Variants in METTL25B observed in about 807,000 individuals in gnomAD.
The protein encoded by METTL25B is methyltransferase-like protein 25B.
METTL25B carries 38 observed loss-of-function variants against 48.4 expected under a neutral mutation model. The observed-to-expected ratio is 0.78, with a 90% CI of 0.61 to 1.03. The LOEUF (loss-of-function observed/expected upper bound fraction) is 1.03. Ranked by LOEUF, METTL25B falls within the 50% of genes least tolerant of loss-of-function variation. The probability of loss-of-function intolerance (pLI) is 0.00; values close to 1 mark genes in which losing one functional copy is unlikely to be tolerated. For missense variants in METTL25B, 537 were observed against 603.7 expected, an observed-to-expected ratio of 0.89 and a Z score of 1.16; for synonymous variants, 230 against 254.5, an observed-to-expected ratio of 0.90 and a Z score of 0.92.
chr1:156,733,180 A>AT (rs1175191109), intron 4 of METTL25B, 133 bp downstream of exon 4: 28 of 1,090,820 alleles, frequency 2.6e-5, no homozygotes, highest in Non-Finnish European at 3.4e-5. Flanking sequence ...TCTTTGCATA[A>AT]TTTTTTTTAA....
rs936462642 is a variant in METTL25B at position 156,735,824 on chromosome 1, G to A, written c.1221G>A (p.Val407=). ...QAHVAQENRV[V]AFFSLALLLA... Reference sequence around the variant, plus strand: ...ACGTGGCCCAGGAGAACCGTGTGGTGGCCTTCTTCAGCCTGGCTCTACTGC... The same window carrying A: ...ACGTGGCCCAGGAGAACCGTGTGGTAGCCTTCTTCAGCCTGGCTCTACTGC... Residue 407 remains valine, a synonymous_variant, in exon 7 of 8, where the codon GTG becomes GTA. Coordinates refer to ENST00000368216, the MANE Select transcript of METTL25B (RefSeq NM_015997.4). 4 of 1,612,886 alleles carry A rather than the reference G, an allele frequency of 2.5e-6. No homozygotes were observed. In the African/African-American group the frequency reaches 4.0e-5, roughly 16 times the overall value.
intron 4 of METTL25B, 70 bp downstream of exon 4, chr1:156,733,117 C>T (rs533639928): frequency 1.6e-5 from 23 of 1,443,536 alleles, no homozygotes; most frequent in South Asian, 3.6e-5. Flanking sequence ...GGCAGGTTAT[C>T]GGGCCACAGG....
Position 156,735,903 on chromosome 1 carries a change from G to T in METTL25B, c.1300G>T (p.Glu434Ter). 1 of 1,610,838 alleles carries T rather than the reference G, an allele frequency of 6.2e-7. No individual in the cohort carries two copies. Among genetic ancestry groups the T allele is most frequent in the South Asian group, 1.1e-5 (1 of 90,702 alleles). ...ILLDRLLYLQ[E>*]QGFHAELLPI... ...ACTGGACCGGCTGCTGTACCTTCAG[G>T]AACAGGGTGAGGGTGGCCTACAGCA... Residue 434 changes from glutamate to a stop codon, truncating the protein, a stop_gained, in exon 7 of 8, where the codon GAA becomes TAA. Transcript: ENST00000368216. LOFTEE classifies it high-confidence loss of function.
rs111957008 is a variant in METTL25B at position 156,736,096 on chromosome 1, G to A, written c.1306+187G>A. 73 of 495,446 alleles carry A rather than the reference G, an allele frequency of 1.5e-4. No individual in the cohort carries two copies. In the East Asian group the frequency reaches 1.7e-3, roughly 11 times the overall value. 30.7% of individuals were successfully genotyped at this position (495,446 alleles called of 1,614,324 possible). A position where few individuals can be genotyped will look rare whatever the true frequency, so the allele number is the denominator to read the frequency against. ...AAAATTAAGAATCCAGGCTGGGTGC[G>A]GTGGCTCATGCCTATAATCCCAGCA... On this transcript the variant is annotated intron_variant, in intron 7 of 7. Coordinates refer to ENST00000368216, the MANE Select transcript of METTL25B (RefSeq NM_015997.4).
At chr1:156,730,856 GTGT>G (rs1271511282) in intron 1 of METTL25B, among the ~76,000 whole-genome samples, 2 of 152,218 alleles carry the variant, frequency 1.3e-5, no homozygotes, top group African/African-American at 2.4e-5. Context: ...CTACCTCAAA[GTGT>G]TGTTTAAAGG....
intron 1 of METTL25B, among the ~76,000 whole-genome samples, chr1:156,731,352 G>A (rs1649270499): frequency 6.6e-6 from 1 of 152,180 alleles, no homozygotes; most frequent in Non-Finnish European, 1.5e-5. Flanking sequence ...TCGAACTCCT[G>A]ATCTCAGGTG....
Position 156,734,355 on chromosome 1 carries a change from G to T in METTL25B, c.983G>T (p.Arg328Leu), listed in dbSNP as rs374602134. 9.3e-6 allele frequency: 15 copies of T among 1,613,890 alleles called. No individual in the cohort carries two copies. The East Asian group carries it at 1.1e-4, about 12-fold the overall frequency. ...ACHALEEYAE[R>L]LQKAGPGLRT... ...CATGCCCTGGAGGAATATGCTGAGC[G>T]GCTACAGAAAGCTGGCCCTGGCCTT... is the stretch of plus-strand genomic sequence containing the variant. The change falls in exon 6 of 8, where the codon CGG becomes CTG. Residue 328 changes from arginine to leucine, a missense_variant. Coordinates refer to ENST00000368216, the MANE Select transcript of METTL25B (RefSeq NM_015997.4).
chr1:156,729,633 T>C (rs1571503038), intron 1 of METTL25B: 1 of 164,378 alleles, frequency 6.1e-6, no homozygotes, highest in South Asian at 1.4e-4. Context: ...TGTCAGGTGT[T>C]CCAAGAACAC....
chr1:156,728,518 C>G lies in METTL25B; in HGVS notation c.-587C>G. The G allele has an allele frequency of 2.0e-6, 2 of 985,644 alleles. No individual in the cohort carries two copies. Among genetic ancestry groups the G allele is most frequent in the Non-Finnish European group, 2.4e-6 (2 of 829,932 alleles). The allele number at this position is 985,644 out of a possible 1,614,324, so 61.1% of individuals were successfully genotyped here. A position where few individuals can be genotyped will look rare whatever the true frequency, so the allele number is the denominator to read the frequency against. ...AGGCAGGCGCGCGGGTTAGAACGCG[C>G]CAGAGGTCGGCGCGCGCACACCCGC... On this transcript the variant is annotated 5_prime_UTR_variant, in exon 1 of 8. Transcript: ENST00000368216.
chr1:156,733,264 A>G, intron 4 of METTL25B, 113 bp from the exon 5 acceptor site: 1 of 1,309,260 alleles, frequency 7.6e-7, no homozygotes. Context: ...TCTGTAGGGT[A>G]AAATTTAAGC....
intron 2 of METTL25B, 27 bp downstream of exon 2, chr1:156,732,142 G>T (rs767358917): frequency 5.0e-6 from 8 of 1,613,916 alleles, no homozygotes; most frequent in Non-Finnish European, 6.8e-6. Context: ...CCCTGTGCTG[G>T]GGAACTCAAG....
At chr1:156,731,704 A>C (rs1390522764) in intron 1 of METTL25B, among the ~76,000 whole-genome samples, 1 of 152,252 alleles carries the variant, frequency 6.6e-6, no homozygotes, top group African/African-American at 2.4e-5. Context: ...AATTCAATTT[A>C]ATAGAGAAAA....
chr1:156,732,001 C>G lies in METTL25B; in HGVS notation c.122C>G (p.Thr41Arg). The G allele has an allele frequency of 6.2e-7, 1 of 1,614,138 alleles. No individual in the cohort carries two copies. The highest frequency in any genetic ancestry group is 1.1e-5 in the South Asian group (1 of 91,074). The change falls in exon 2 of 8, where the codon ACA (threonine) becomes AGA (arginine). Residue 41 changes from threonine to arginine, a missense_variant. Transcript: ENST00000368216. ...ILDAYIIEFF[T>R]DNLWDTLPCS... ...CCCCTTCTTCTGTAGGAATTTTTCA[C>G]AGACAACCTATGGGACACACTCCCT...
rs1649369483 is a variant in METTL25B at position 156,732,347 on chromosome 1, C to G, written c.303C>G (p.Thr101=). The stretch of plus-strand genomic sequence containing the variant: ...CCACGGCGTGTGCCCTGGCCTTTAC[C>G]CGGATGCCTGGCTTTCAGACCCCCT... The part of the protein sequence containing the change: ...LKSTACALAF[T]RMPGFQTPSE... The change falls in exon 3 of 8, where the codon ACC becomes ACG. Residue 101 remains threonine, a synonymous_variant. Transcript: ENST00000368216. 3.7e-6 allele frequency: 6 copies of G among 1,614,246 alleles called. No individual in the cohort carries two copies. Among genetic ancestry groups the G allele is most frequent in the Non-Finnish European group, 4.2e-6 (5 of 1,180,052 alleles).
Position 156,735,729 on chromosome 1 carries a change from G to A in METTL25B, c.1126G>A (p.Val376Met), listed in dbSNP as rs747859772. Residue 376 changes from valine to methionine, a missense_variant, in exon 7 of 8, where the codon GTG becomes ATG. Coordinates refer to ENST00000368216, the MANE Select transcript of METTL25B (RefSeq NM_015997.4). ...RVHELKIEEY[V>M]QRGLQRVGLD... is the part of the protein sequence containing the mutation. ...TGAATGTGACTGATCCCACAGATAT[G>A]TGCAGCGGGGGCTACAGCGAGTGGG... 6.2e-6 allele frequency: 10 copies of A among 1,608,378 alleles called. No homozygotes were observed. The highest frequency in any genetic ancestry group is 8.5e-6 in the Non-Finnish European group (10 of 1,177,828).
In METTL25B at chr1:156,734,464, C is replaced by G. The variant is rs746940055; in HGVS notation, c.1092C>G (p.Ile364Met). The G allele has an allele frequency of 2.8e-5, 44 of 1,599,116 alleles. No homozygotes were observed. The South Asian group carries it at 4.5e-4, about 16-fold the overall frequency. Residue 364 changes from isoleucine to methionine, a missense_variant, in exon 6 of 8, where the codon ATC (isoleucine) becomes ATG (methionine). By Grantham distance (10) the Ile-to-Met change is conservative. Coordinates refer to ENST00000368216, the MANE Select transcript of METTL25B (RefSeq NM_015997.4). ...TCCGTCGGCCAGGCGTGCAGGGTAT[C>G]CCCAGGGTCCACGAGCTCAAGATTG... ...PELRRPGVQG[I>M]PRVHELKIEE...
At position 156,733,028 on chromosome 1, in the gene METTL25B, T is replaced by C. The variant is rs201684721; in HGVS notation, c.473T>C (p.Val158Ala). ...GATTTCACAGGCTGCACCCAGGTTG[T>C]AGACGTGGGCTCAGGCCAGGTGAGC... is the stretch of plus-strand genomic sequence containing the variant. ...LSDFTGCTQV[V>A]DVGSGQGHLS... Residue 158 changes from valine (V) to alanine (A), a missense_variant, in exon 4 of 8, where the codon GTA becomes GCA. Transcript: ENST00000368216. The C allele has an allele frequency of 2.5e-4, 410 of 1,614,166 alleles. No homozygotes were observed. The highest frequency in any genetic ancestry group is 3.3e-4 in the Non-Finnish European group (386 of 1,180,014).
intron 7 of METTL25B, 79 bp downstream of exon 7, chr1:156,735,988 A>G: frequency 2.3e-6 from 3 of 1,280,606 alleles, no homozygotes; most frequent in East Asian, 2.4e-5. Context: ...CCCAGCCCCA[A>G]CATCTTCTGG....
Position 156,734,291 on chromosome 1 carries a change from G to GGCTAT in METTL25B, c.921_925dup (p.Glu309AlafsTer79). 6.2e-7 allele frequency: 1 copy of GGCTAT among 1,614,186 alleles called. No individual in the cohort carries two copies. The highest frequency in any genetic ancestry group is 8.5e-7 in the Non-Finnish European group (1 of 1,180,034). The stretch of plus-strand genomic sequence containing the variant: ...GAGTCAGTGGGTGGCTGGGCTGCCT[G>GGCTAT]GCTATGAACTGCCCTACCGGCTTCG... On this transcript the variant is annotated frameshift_variant, in exon 6 of 8. Coordinates refer to ENST00000368216, the MANE Select transcript of METTL25B (RefSeq NM_015997.4). LOFTEE classifies it high-confidence loss of function.
Sources: gnomAD v4.1 joint callset for allele counts (sites outside exome capture counted in the v4.1 genomes callset) on GRCh38, gnomAD v4.1.1 for gene constraint, MANE v1.5 for transcripts, NCBI Gene and HGNC (gene_info 2026-07-23, HGNC 2026-07-21) for gene names.